The following KANSL1L variants were observed in gnomAD, a reference collection of about 807,000 sequenced individuals.
The protein encoded by KANSL1L is KAT8 regulatory NSL complex subunit 1 like.
A neutral mutation model predicts 108.6 loss-of-function variants in KANSL1L; 25 were observed. That is an observed-to-expected ratio of 0.23 (90% confidence interval 0.17 to 0.32). The LOEUF is 0.32. Ranked by LOEUF, KANSL1L falls within the 10% of genes least tolerant of loss-of-function variation. The pLI is 1.00. For missense variants in KANSL1L, 1,137 were observed against 1,125.7 expected (o/e 1.01, Z -0.14); for synonymous variants, 405 against 395.1 (o/e 1.03, Z -0.30).
rs771410673 is a variant in KANSL1L, at chr2:210,075,768, T to C, written c.1551-12A>G. The C allele has an allele frequency of 6.2e-7, 1 of 1,601,022 alleles. No individual in the cohort carries two copies. Among genetic ancestry groups the C allele is most frequent in the African/African-American group, 1.3e-5 (1 of 74,676 alleles). ...AATTCTCTGATGCACTGAAATGCCA[T>C]GAAATAATTAGGGCGTGGGAAGGGA... On this transcript the variant is annotated splice_polypyrimidine_tract_variant and intron_variant, in intron 5 of 14. Coordinates refer to ENST00000281772, the MANE Select transcript of KANSL1L (RefSeq NM_152519.4).
intron 2 of KANSL1L, chr2:210,152,747 T>C (rs1347362457): frequency 1.3e-5 from 2 of 152,190 alleles, no homozygotes; most frequent in Non-Finnish European, 2.9e-5. Flanking sequence ...GGAAAAAAAG[T>C]AGTAAGTCAA....
intron 5 of KANSL1L, among the ~76,000 whole-genome samples, chr2:210,081,222 T>C (rs1443102824): frequency 1.3e-5 from 2 of 152,138 alleles, no homozygotes; most frequent in African/African-American, 4.8e-5. Flanking sequence ...AGTCTCTATA[T>C]TAATTCTGCC....
At chr2:210,156,084 A>G (rs1346945308) in intron 1 of KANSL1L, among the ~76,000 whole-genome samples, 1 of 152,194 alleles carries the variant, frequency 6.6e-6, no homozygotes, top group Non-Finnish European at 1.5e-5. Flanking sequence ...AGTTATCTAG[A>G]CTATAGGAGG....
intron 2 of KANSL1L, chr2:210,152,296 C>T (rs992588709): frequency 6.6e-6 from 1 of 152,170 alleles, no homozygotes; most frequent in African/African-American, 2.4e-5. Flanking sequence ...CTTTATCTGA[C>T]CATTTCAACT....
chr2:210,055,015 G>A (rs563518367), intron 6 of KANSL1L, among the ~76,000 whole-genome samples: 1 of 152,272 alleles, frequency 6.6e-6, no homozygotes, highest in Non-Finnish European at 1.5e-5. Flanking sequence ...CGGTTTGGCT[G>A]TGTCCCCACC....
intron 2 of KANSL1L, among the ~76,000 whole-genome samples, chr2:210,150,130 A>G (rs2095291960): frequency 6.6e-6 from 1 of 152,134 alleles, no homozygotes. Flanking sequence ...TAATGAACTG[A>G]TATTAAATTT....
intron 2 of KANSL1L, among the ~76,000 whole-genome samples, chr2:210,133,616 T>C (rs1283852160): frequency 3.9e-5 from 6 of 152,112 alleles, no homozygotes; most frequent in Non-Finnish European, 8.8e-5. Context: ...GTATTATTTT[T>C]ATTGCTTTTT....
chr2:210,118,197 G>A (rs565718595), intron 3 of KANSL1L, among the ~76,000 whole-genome samples: 6 of 147,996 alleles, frequency 4.1e-5, no homozygotes, highest in East Asian at 2.0e-4. Context: ...GGGCGGGTGC[G>A]GTGGCTTATG....
chr2:210,134,070 C>A (rs2095152354), intron 2 of KANSL1L, among the ~76,000 whole-genome samples: 1 of 152,046 alleles, frequency 6.6e-6, no homozygotes, highest in African/African-American at 2.4e-5. Context: ...TTTTTCCCCA[C>A]CTTTCAGCAC....
At position 210,067,716 on chromosome 2, in the gene KANSL1L, C is replaced by CAAA. The variant is rs569072484; in HGVS notation, c.1755+7833_1755+7835dup. On this transcript the variant is annotated intron_variant, in intron 6 of 14. Transcript: ENST00000281772. ...GAGTGACAGAGTGAGACCCTGTCTC[C>CAAA]AAAAAAAAAAAAAAAAAAAAAAAAA... Among the ~76,000 whole-genome samples the CAAA allele has an allele frequency of 2.8e-3, 259 of 92,906 alleles. 11 individuals are homozygous for CAAA. Among genetic ancestry groups the CAAA allele is most frequent in the African/African-American group, 0.011 (246 of 21,732 alleles). 60.9% of individuals were successfully genotyped at this position (92,906 alleles called of 152,430 possible).
intron 6 of KANSL1L, among the ~76,000 whole-genome samples, chr2:210,075,015 A>G (rs1437777489): frequency 1.3e-5 from 2 of 152,288 alleles, no homozygotes; most frequent in Admixed American, 1.3e-4. Flanking sequence ...AATGTTTCTA[A>G]TGAAGTATAC....
At chr2:210,067,097 G>A (rs751892203) in intron 6 of KANSL1L, among the ~76,000 whole-genome samples, 9 of 152,146 alleles carry the variant, frequency 5.9e-5, no homozygotes, top group Non-Finnish European at 1.2e-4. Flanking sequence ...TGAGACATCA[G>A]TGCTCCTGGA....
At chr2:210,155,047 C>T (rs1654890015) in intron 1 of KANSL1L, 2 of 152,054 alleles carry the variant, frequency 1.3e-5, no homozygotes, top group African/African-American at 4.8e-5. Flanking sequence ...AACTTCTATT[C>T]CTGAAATTAA....
At chr2:210,158,554 G>A (rs1472520613) in intron 1 of KANSL1L, among the ~76,000 whole-genome samples, 3 of 152,186 alleles carry the variant, frequency 2.0e-5, no homozygotes, top group South Asian at 2.1e-4. Flanking sequence ...AAATTTGGGG[G>A]TAATATACTA....
chr2:210,076,360 A>G (rs556026088), intron 5 of KANSL1L, among the ~76,000 whole-genome samples: 1 of 151,952 alleles, frequency 6.6e-6, no homozygotes, highest in African/African-American at 2.4e-5. Context: ...GCTAGTTTTC[A>G]TATTTTAGTA....
chr2:210,157,182 G>A (rs1162757321), intron 1 of KANSL1L, among the ~76,000 whole-genome samples: 1 of 151,934 alleles, frequency 6.6e-6, no homozygotes. Flanking sequence ...GTTCTCTGAG[G>A]GAAACTGCTT....
chr2:210,151,081 T>TA, intron 2 of KANSL1L, among the ~76,000 whole-genome samples: 1 of 152,118 alleles, frequency 6.6e-6, no homozygotes, highest in Non-Finnish European at 1.5e-5. Flanking sequence ...AAGGGGGTGA[T>TA]ACGGGCTCAC....
chr2:210,121,164 T>A (rs575244398), intron 3 of KANSL1L, among the ~76,000 whole-genome samples: 1 of 152,274 alleles, frequency 6.6e-6, no homozygotes, highest in South Asian at 2.1e-4. Context: ...CAAAGGAATA[T>A]ATATCATTCT....
chr2:210,039,114 C>G (rs1385048869), intron 8 of KANSL1L, among the ~76,000 whole-genome samples: 1 of 151,858 alleles, frequency 6.6e-6, no homozygotes, highest in Non-Finnish European at 1.5e-5. Context: ...TATTAATCTT[C>G]TAAAAATGTA....
Sources: gnomAD v4.1 joint callset for allele counts (sites outside exome capture counted in the v4.1 genomes callset) on GRCh38, gnomAD v4.1.1 for gene constraint, MANE v1.5 for transcripts, NCBI Gene and HGNC (gene_info 2026-07-23, HGNC 2026-07-21) for gene names.